The following PALM2AKAP2 variants were observed in gnomAD, a reference collection of about 807,000 sequenced individuals.
PALM2AKAP2 encodes PALM2-AKAP2 fusion protein.
PALM2AKAP2 carries 37 observed loss-of-function variants against 71.5 expected under a neutral mutation model. That is an observed-to-expected ratio of 0.52 (90% CI 0.40 to 0.68). PALM2AKAP2 has a LOEUF of 0.68. PALM2AKAP2 is among the 30% of genes least tolerant of loss of function. The pLI is 0.00. For synonymous variants in PALM2AKAP2, 468 were observed against 478.8 expected, an observed-to-expected ratio of 0.98 and a Z score of 0.29; for missense variants, 1,224 against 1,191.8, an observed-to-expected ratio of 1.03 and a Z score of -0.40.
At chr9:109,731,489 A>G (rs568058606) in intron 1 of PALM2AKAP2, among the ~76,000 whole-genome samples, 2 of 152,346 alleles carry the variant, frequency 1.3e-5, no homozygotes, top group East Asian at 3.9e-4. Flanking sequence ...CAGTAAAAAG[A>G]ATGGTGAACT....
chr9:110,083,938 A>G (rs2118722014), intron 1 of PALM2AKAP2, among the ~76,000 whole-genome samples: 1 of 152,366 alleles, frequency 6.6e-6, no homozygotes, highest in East Asian at 1.9e-4. Flanking sequence ...GAAAACTACC[A>G]GCGGTAGAGC....
chr9:109,643,071 G>GAGAA (rs145807993), intron 1 of PALM2AKAP2, among the ~76,000 whole-genome samples: 19,426 of 149,868 alleles, frequency 0.13, 1,446 homozygotes, highest in Middle Eastern at 0.23. Context: ...AAGAAAGAAA[G>GAGAA]AGAAAGAAAG....
chr9:109,806,260 G>T (rs1447757432), intron 1 of PALM2AKAP2, among the ~76,000 whole-genome samples: 1 of 152,152 alleles, frequency 6.6e-6, no homozygotes, highest in Non-Finnish European at 1.5e-5. Context: ...TTCCAAAACA[G>T]TTTTACTAGT....
At chr9:109,777,200 C>A (rs984197981), upstream of PALM2AKAP2, among the ~76,000 whole-genome samples, 1 of 152,240 alleles carries the variant, frequency 6.6e-6, no homozygotes, top group Admixed American at 6.5e-5. Context: ...CACTTAACCT[C>A]TCTCCTGAGA....
At chr9:110,057,366 G>GTTTTTTT (rs34347147) in intron 1 of PALM2AKAP2, among the ~76,000 whole-genome samples, 2 of 134,110 alleles carry the variant, frequency 1.5e-5, no homozygotes, top group African/African-American at 2.8e-5. Context: ...CTCCTTCTCT[G>GTTTTTTT]TTTTTTTTTT....
intron 1 of PALM2AKAP2, among the ~76,000 whole-genome samples, chr9:109,741,062 C>T (rs1828709397): frequency 6.6e-6 from 1 of 152,192 alleles, no homozygotes; most frequent in African/African-American, 2.4e-5. Context: ...ATTTTATACT[C>T]TGCAACTATC....
chr9:109,857,015 G>A (rs12686028), intron 1 of PALM2AKAP2, among the ~76,000 whole-genome samples: 4,768 of 152,206 alleles, frequency 0.031, 201 homozygotes, highest in East Asian at 0.18. Context: ...TGAGAACTGC[G>A]AGCAGCCAAT....
chr9:109,973,611 C>T (rs1319493668), intron 6 of PALM2AKAP2, among the ~76,000 whole-genome samples: 1 of 152,168 alleles, frequency 6.6e-6, no homozygotes, highest in African/African-American at 2.4e-5. Context: ...GATCTCTTGA[C>T]AATGAGTGAG....
chr9:110,054,829 C>T (rs183815410), intron 1 of PALM2AKAP2, among the ~76,000 whole-genome samples: 1 of 152,320 alleles, frequency 6.6e-6, no homozygotes, highest in African/African-American at 2.4e-5. Flanking sequence ...ACCTCGGCCT[C>T]CCAAGCAGTT....
intron 1 of PALM2AKAP2, chr9:110,090,116 G>A (rs544456364): frequency 2.7e-4 from 71 of 265,564 alleles, no homozygotes; most frequent in African/African-American, 1.1e-3. Context: ...GCTGTAACAT[G>A]GTTCCAAAGT....
exon 2 of PALM2AKAP2, chr9:110,138,536 C>G: frequency 6.3e-7 from 1 of 1,594,406 alleles, no homozygotes; most frequent in Non-Finnish European, 8.5e-7. Flanking sequence ...CAAAACTGCT[C>G]CAGGTAAGTG....
rs572623108 is a variant in PALM2AKAP2 at position 110,139,627 on chromosome 9, A to G, written c.2569+1088A>G. On this transcript the variant is annotated intron_variant, in intron 2 of 3. Transcript: ENST00000374525. ...TGTTGACACTTATCTTGGTCCATCC[A>G]TATCTTAATCTTATCTTGACACTTG... Among the ~76,000 whole-genome samples, 3 of 152,044 alleles carry G rather than the reference A, an allele frequency of 2.0e-5. No individual in the cohort carries two copies. The South Asian group carries it at 6.2e-4, about 31-fold the overall frequency.
At chr9:109,740,868 G>A (rs753369581) in intron 1 of PALM2AKAP2, among the ~76,000 whole-genome samples, 1 of 152,130 alleles carries the variant, frequency 6.6e-6, no homozygotes, top group Non-Finnish European at 1.5e-5. Context: ...TGGCCAGGAT[G>A]GTCTCAATCT....
intron 1 of PALM2AKAP2, among the ~76,000 whole-genome samples, chr9:110,076,188 T>C (rs1834316823): frequency 1.3e-5 from 2 of 152,110 alleles, no homozygotes; most frequent in East Asian, 3.9e-4. Flanking sequence ...TTGTCTTTCA[T>C]GACATTGACA....
intron 1 of PALM2AKAP2, among the ~76,000 whole-genome samples, chr9:110,104,909 G>T (rs183277539): frequency 6.6e-6 from 1 of 152,312 alleles, no homozygotes; most frequent in East Asian, 1.9e-4. Flanking sequence ...TGTGTCATAT[G>T]CATCCAGAGA....
chr9:110,001,173 C>A (rs1242566338), intron 6 of PALM2AKAP2, among the ~76,000 whole-genome samples: 1 of 152,200 alleles, frequency 6.6e-6, no homozygotes, highest in African/African-American at 2.4e-5. Flanking sequence ...TTTAATCCAT[C>A]TTGAATAAAT....
chr9:109,702,410 C>T (rs994807784), intron 1 of PALM2AKAP2, among the ~76,000 whole-genome samples: 5 of 152,066 alleles, frequency 3.3e-5, no homozygotes, highest in African/African-American at 1.2e-4. Flanking sequence ...TACTATGCTG[C>T]CATAAAAAAG....
chr9:109,917,573 T>C (rs1468158819), intron 3 of PALM2AKAP2, among the ~76,000 whole-genome samples: 1 of 151,030 alleles, frequency 6.6e-6, no homozygotes, highest in East Asian at 2.0e-4. Context: ...ACTGCAGTCT[T>C]GAACTCCTGG....
chr9:109,742,770 G>T (rs1828734223), intron 1 of PALM2AKAP2, among the ~76,000 whole-genome samples: 2 of 152,196 alleles, frequency 1.3e-5, no homozygotes, highest in African/African-American at 4.8e-5. Context: ...GGGTAGAGAA[G>T]ATTAAAAAGC....
Sources: allele counts gnomAD v4.1 joint callset (sites outside exome capture counted in the v4.1 genomes callset), GRCh38; gene constraint gnomAD v4.1.1; transcripts MANE v1.5; gene names NCBI Gene and HGNC (gene_info 2026-07-23, HGNC 2026-07-21).